Variants in SAMD3 observed in about 807,000 individuals in gnomAD.
SAMD3 encodes the protein sterile alpha motif domain-containing protein 3.
In SAMD3, 63 loss-of-function variants were observed where a neutral mutation model predicts 58.5. That is an observed-to-expected ratio of 1.08 (90% CI 0.88 to 1.33). The LOEUF (loss-of-function observed/expected upper bound fraction) is 1.33. Ranked by LOEUF, SAMD3 falls within the 40% of genes most tolerant of loss-of-function variation. The pLI, the probability that SAMD3 is intolerant of heterozygous loss-of-function variation, is 0.00. For synonymous variants in SAMD3, 220 were observed against 210.3 expected (o/e 1.05, Z -0.40); for missense variants, 604 against 608.4 (o/e 0.99, Z 0.08).
At chr6:130,254,132 A>C (rs1228693658) in intron 2 of SAMD3, among the ~76,000 whole-genome samples, 1 of 151,938 alleles carries the variant, frequency 6.6e-6, no homozygotes, top group Non-Finnish European at 1.5e-5. Flanking sequence ...ATCTGGGACT[A>C]CAAGTGTGTG....
intron 2 of SAMD3, among the ~76,000 whole-genome samples, chr6:130,233,114 C>G (rs1796592291): frequency 6.6e-6 from 1 of 152,178 alleles, no homozygotes; most frequent in Non-Finnish European, 1.5e-5. Flanking sequence ...CAGGCACCAA[C>G]TGCAAGTTCA....
At chr6:130,329,563 G>A (rs570311228) in intron 1 of SAMD3, among the ~76,000 whole-genome samples, 39 of 152,178 alleles carry the variant, frequency 2.6e-4, no homozygotes, top group African/African-American at 7.0e-4. Flanking sequence ...TCTCATTACC[G>A]GGTATATACC....
At position 130,317,816 on chromosome 6, in the gene SAMD3, C is replaced by G. The variant is rs181104955; in HGVS notation, c.-303-4723G>C. 6.6e-4 allele frequency among the ~76,000 whole-genome samples: 100 copies of G among 152,262 alleles called. 1 individual carries two copies. In the Middle Eastern group the frequency reaches 0.01, roughly 16 times the overall value. ...AGATGAGAAATAAGCAAGGTAAGCC[C>G]TATAGTGTCCCAGCTTACTGCCTGG... On this transcript the variant is annotated intron_variant, in intron 1 of 13. Coordinates refer to the SAMD3 transcript ENST00000368134.
chr6:130,225,499 G>T (rs1022817766), upstream of SAMD3, among the ~76,000 whole-genome samples: 1 of 152,146 alleles, frequency 6.6e-6, no homozygotes, highest in Non-Finnish European at 1.5e-5. Flanking sequence ...CTGTCTATGG[G>T]ACTACTGGAT....
chr6:130,198,166 C>T (rs1794312893), intron 5 of SAMD3, among the ~76,000 whole-genome samples: 1 of 152,124 alleles, frequency 6.6e-6, no homozygotes, highest in African/African-American at 2.4e-5. Context: ...GTGAAATAAA[C>T]AGCCATGTTG....
At position 130,311,929 on chromosome 6, in the gene SAMD3, C is replaced by T. The variant is rs962199792; in HGVS notation, c.-188+1049G>A. Among the ~76,000 whole-genome samples the T allele has an allele frequency of 2.2e-4, 33 of 152,050 alleles. 1 individual carries two copies. Among genetic ancestry groups the T allele is most frequent in the Admixed American group, 3.3e-4 (5 of 15,268 alleles). ...TTTGATGAGCCCAAAGAAGTACCAG[C>T]GAGAGAAGGAGCCTGCCTGAAACCA... On this transcript the variant is annotated intron_variant, in intron 2 of 13. Coordinates refer to the SAMD3 transcript ENST00000368134.
chr6:130,209,473 G>T, intron 5 of SAMD3, 22 bp downstream of exon 5: 3 of 1,290,304 alleles, frequency 2.3e-6, no homozygotes, highest in Non-Finnish European at 2.3e-6. Context: ...GCTTTAAACT[G>T]TCTTAAAGTT....
At chr6:130,246,755 G>A (rs1264759743) in intron 2 of SAMD3, among the ~76,000 whole-genome samples, 1 of 152,052 alleles carries the variant, frequency 6.6e-6, no homozygotes, top group African/African-American at 2.4e-5. Flanking sequence ...CGGGCATGAT[G>A]GTGGGTGCCT....
intron 8 of SAMD3, 72 bp downstream of exon 8, chr6:130,175,769 C>A: frequency 3.1e-6 from 3 of 959,046 alleles, no homozygotes; most frequent in South Asian, 1.9e-5. Flanking sequence ...ATTTTAAATG[C>A]TATTATTTAT....
intron 5 of SAMD3, among the ~76,000 whole-genome samples, chr6:130,195,363 C>G (rs1328537594): frequency 6.6e-6 from 1 of 152,192 alleles, no homozygotes; most frequent in Non-Finnish European, 1.5e-5. Context: ...GCATTAAAGC[C>G]TGTTATCACT....
chr6:130,347,546 G>T (rs1327125799), intron 1 of SAMD3, among the ~76,000 whole-genome samples: 4 of 152,142 alleles, frequency 2.6e-5, no homozygotes, highest in Admixed American at 2.0e-4. Flanking sequence ...AAGAAGAAAT[G>T]AACAAAGCCT....
chr6:130,333,010 A>G (rs748130922), intron 1 of SAMD3, among the ~76,000 whole-genome samples: 2 of 151,396 alleles, frequency 1.3e-5, no homozygotes, highest in Non-Finnish European at 2.9e-5. Context: ...TTATTTCCTC[A>G]ATAAAGTTCA....
intron 2 of SAMD3, chr6:130,286,173 T>C (rs1326085046): frequency 6.6e-6 from 1 of 152,240 alleles, no homozygotes; most frequent in Non-Finnish European, 1.5e-5. Context: ...AGCCAGGCTC[T>C]TACCTGCTTT....
At chr6:130,353,090 G>C (rs1038658908) in intron 1 of SAMD3, among the ~76,000 whole-genome samples, 1 of 152,156 alleles carries the variant, frequency 6.6e-6, no homozygotes, top group African/African-American at 2.4e-5. Context: ...CTCACTACCA[G>C]TTAGAAAGGC....
At chr6:130,365,287 C>T in exon 1 of SAMD3, 1 of 985,398 alleles carries the variant, frequency 1.0e-6, no homozygotes, top group Non-Finnish European at 1.2e-6. Context: ...CCGCACTGCT[C>T]ATCGAAGACC....
chr6:130,227,052 T>A (rs1338249017), upstream of SAMD3, among the ~76,000 whole-genome samples: 2 of 152,224 alleles, frequency 1.3e-5, no homozygotes, highest in Non-Finnish European at 1.5e-5. Context: ...CAACCATCAC[T>A]ATTATCCATT....
At chr6:130,200,199 T>C (rs945200678) in intron 5 of SAMD3, among the ~76,000 whole-genome samples, 5 of 152,066 alleles carry the variant, frequency 3.3e-5, no homozygotes, top group African/African-American at 1.2e-4. Context: ...TCTTATCTAC[T>C]ACCATGACAT....
intron 5 of SAMD3, among the ~76,000 whole-genome samples, chr6:130,202,071 C>T (rs937666429): frequency 6.6e-6 from 1 of 152,158 alleles, no homozygotes; most frequent in African/African-American, 2.4e-5. Context: ...TTGGACTGAA[C>T]AAAAGAAAAA....
chr6:130,305,862 C>A (rs1393755699), intron 2 of SAMD3, among the ~76,000 whole-genome samples: 4 of 152,192 alleles, frequency 2.6e-5, no homozygotes, highest in Non-Finnish European at 5.9e-5. Flanking sequence ...TAACAAAACA[C>A]CATAAACTGC....
Sources: allele counts gnomAD v4.1 joint callset (sites outside exome capture counted in the v4.1 genomes callset), GRCh38; gene constraint gnomAD v4.1.1; transcripts MANE v1.5; gene names NCBI Gene and HGNC (gene_info 2026-07-23, HGNC 2026-07-21).